Variants in TFPI observed in about 807,000 individuals in gnomAD.
The protein encoded by TFPI is tissue factor pathway inhibitor, also known as anti-convertin.
Under a neutral mutation model 34.6 loss-of-function variants are expected in TFPI, and 15 were observed. The ratio of observed to expected loss-of-function variants is 0.43; its 90% CI spans 0.29 to 0.67. TFPI has a LOEUF of 0.67. Among genes scored for constraint, TFPI ranks in the 30% least tolerant of loss-of-function variants. The pLI is 0.15. For missense variants in TFPI, 301 were observed against 364.0 expected, an observed-to-expected ratio of 0.83 and a Z score of 1.41; for synonymous variants, 105 against 120.1, an observed-to-expected ratio of 0.87 and a Z score of 0.82.
rs554575189 is a variant in TFPI, at chr2:187,471,987, A to T, written c.629-4055T>A. On this transcript the variant is annotated intron_variant, in intron 6 of 7. Coordinates refer to ENST00000233156, the MANE Select transcript of TFPI (RefSeq NM_006287.6). ...CTTTTTTAAAGTTTTTTTCTCTATAATTTTGTAGTAAAGAGAAATATAAAT... is the reference window on the plus strand; with the variant it reads ...CTTTTTTAAAGTTTTTTTCTCTATATTTTTGTAGTAAAGAGAAATATAAAT... Among the ~76,000 whole-genome samples, 3 of 152,090 alleles carry T rather than the reference A, an allele frequency of 2.0e-5. No individual in the cohort carries two copies. The South Asian group carries it at 6.2e-4, about 32-fold the overall frequency.
chr2:187,526,736 A>AT (rs1687699023), intron 1 of TFPI: 3 of 152,002 alleles, frequency 2.0e-5, no homozygotes, highest in Admixed American at 1.3e-4. Context: ...ATATTGTTGA[A>AT]TTTTTTTCTT....
chr2:187,513,597 A>G (rs907090772), intron 1 of TFPI: 9 of 152,652 alleles, frequency 5.9e-5, no homozygotes, highest in African/African-American at 2.2e-4. Context: ...AACTTGAGCC[A>G]TCCTGTGAAG....
rs1237539466 is a variant in TFPI at position 187,466,200 on chromosome 2, C to G, written c.*736G>C. 1 of 152,022 alleles carries G rather than the reference C, an allele frequency of 6.6e-6. No homozygotes were observed. The highest frequency in any genetic ancestry group is 1.5e-5 in the Non-Finnish European group (1 of 67,996). 9.4% of individuals were successfully genotyped at this position (152,022 alleles called of 1,614,324 possible). On this transcript the variant is annotated 3_prime_UTR_variant, in exon 8 of 8. Coordinates refer to ENST00000233156, the MANE Select transcript of TFPI (RefSeq NM_006287.6). ...TTCCCTCTCGATTGCCATAAAACTT[C>G]TTGTTTCCATAAAGGTTCTCCTTAT...
chr2:187,494,213 C>T (rs188891791), intron 3 of TFPI, among the ~76,000 whole-genome samples: 26 of 115,280 alleles, frequency 2.3e-4, no homozygotes, highest in Non-Finnish European at 4.3e-4. Context: ...TCAATCATTT[C>T]CCACCAGTCC....
At chr2:187,496,302 G>A (rs1300932676) in intron 3 of TFPI, among the ~76,000 whole-genome samples, 2 of 152,018 alleles carry the variant, frequency 1.3e-5, no homozygotes, top group South Asian at 2.1e-4. Context: ...AAGAGCCATA[G>A]AGCTTCAATT....
chr2:187,518,840 C>G (rs1687180824), intron 1 of TFPI: 1 of 152,032 alleles, frequency 6.6e-6, no homozygotes, highest in African/African-American at 2.4e-5. Flanking sequence ...GTTCATTCTC[C>G]TTTTTCATTC....
intron 6 of TFPI, among the ~76,000 whole-genome samples, chr2:187,483,666 C>T (rs950202934): frequency 5.3e-5 from 8 of 151,928 alleles, no homozygotes; most frequent in African/African-American, 1.9e-4. Flanking sequence ...AGTGACATAA[C>T]ATTTAGGCAT....
intron 4 of TFPI, among the ~76,000 whole-genome samples, chr2:187,486,887 C>T (rs775549052): frequency 6.6e-6 from 1 of 151,494 alleles, no homozygotes; most frequent in Non-Finnish European, 1.5e-5. Flanking sequence ...TATTAAATCT[C>T]AAATCTCTTT....
At chr2:187,530,282 G>C (rs1687895622) in intron 1 of TFPI, among the ~76,000 whole-genome samples, 1 of 152,150 alleles carries the variant, frequency 6.6e-6, no homozygotes, top group South Asian at 2.1e-4. Flanking sequence ...AACTATGAAA[G>C]TACCCAGAAG....
intron 1 of TFPI, among the ~76,000 whole-genome samples, chr2:187,530,786 G>T (rs1298280450): frequency 6.6e-6 from 1 of 152,056 alleles, no homozygotes; most frequent in Admixed American, 6.6e-5. Context: ...ATGGATATTT[G>T]TGAAATAAAT....
intron 3 of TFPI, among the ~76,000 whole-genome samples, chr2:187,492,228 C>T (rs1445430583): frequency 6.6e-6 from 1 of 152,122 alleles, no homozygotes; most frequent in African/African-American, 2.4e-5. Context: ...ATTTAACTCT[C>T]ATTTGGCTAT....
intron 6 of TFPI, 36 bp from the exon 7 acceptor site, chr2:187,467,968 T>C (rs768839565): frequency 6.7e-7 from 1 of 1,487,700 alleles, no homozygotes; most frequent in African/African-American, 1.4e-5. Flanking sequence ...AAGCCATATG[T>C]GATAGTGGAT....
chr2:187,535,595 G>A (rs1347763606), intron 1 of TFPI, among the ~76,000 whole-genome samples: 3 of 152,134 alleles, frequency 2.0e-5, no homozygotes, highest in Non-Finnish European at 4.4e-5. Context: ...GTGTTTAGAG[G>A]GAAATTTATA....
At chr2:187,536,113 C>G (rs1316719420) in intron 1 of TFPI, among the ~76,000 whole-genome samples, 2 of 152,036 alleles carry the variant, frequency 1.3e-5, no homozygotes, top group African/African-American at 4.8e-5. Flanking sequence ...CCAAAAAAAG[C>G]CCAGGACCAA....
Position 187,466,983 on chromosome 2 carries a change from G to T in TFPI, c.868C>A (p.Gln290Lys). The T allele has an allele frequency of 1.9e-6, 3 of 1,588,772 alleles. No individual in the cohort carries two copies. In the South Asian group the frequency reaches 3.4e-5, roughly 18 times the overall value. The change falls in exon 8 of 8, where the codon CAG becomes AAG. Residue 290 changes from glutamine to lysine, a missense_variant. Gln to Lys is a moderately conservative substitution (Grantham distance 53, BLOSUM62 1). Coordinates refer to ENST00000233156, the MANE Select transcript of TFPI (RefSeq NM_006287.6). ...TCTTCATATGCTATTTTCACTCTCT[G>T]CTTCTTTCTTTTTCTTTTGGTTTTA... ...LIKTKRKRKK[Q>K]RVKIAYEEIF...
At chr2:187,531,469 C>T (rs1025175210) in intron 1 of TFPI, among the ~76,000 whole-genome samples, 18 of 152,070 alleles carry the variant, frequency 1.2e-4, no homozygotes, top group African/African-American at 4.3e-4. Context: ...GTGTCAATAA[C>T]AGAAAAATAT....
rs1691667532 is a variant in TFPI, at chr2:187,465,455, A to C, written c.*1481T>G. 1 of 128,900 alleles carries C rather than the reference A, an allele frequency of 7.8e-6. No homozygotes were observed. Among genetic ancestry groups the C allele is most frequent in the Non-Finnish European group, 1.7e-5 (1 of 57,406 alleles). 8.0% of individuals were successfully genotyped at this position (128,900 alleles called of 1,614,324 possible). A position where few individuals can be genotyped will look rare whatever the true frequency, so the allele number is the denominator to read the frequency against. On this transcript the variant is annotated 3_prime_UTR_variant, in exon 8 of 8. Coordinates refer to ENST00000233156, the MANE Select transcript of TFPI (RefSeq NM_006287.6). The stretch of plus-strand genomic sequence containing the variant: ...ACTCCAGCCTGGGTGACAGAGTGGG[A>C]CCCTGTCTAAAAAAACATAACAAAA...
chr2:187,504,106 T>C (rs1686036002), intron 1 of TFPI, among the ~76,000 whole-genome samples: 2 of 152,140 alleles, frequency 1.3e-5, no homozygotes, highest in African/African-American at 4.8e-5. Flanking sequence ...TCCATTTCCA[T>C]GTGCAATTTT....
At chr2:187,526,193 A>G (rs1039565577) in intron 1 of TFPI, among the ~76,000 whole-genome samples, 2 of 152,168 alleles carry the variant, frequency 1.3e-5, no homozygotes, top group Non-Finnish European at 2.9e-5. Flanking sequence ...TTGAAGGTCT[A>G]AAAATATAAC....
Sources: allele counts gnomAD v4.1 joint callset (sites outside exome capture counted in the v4.1 genomes callset), GRCh38; gene constraint gnomAD v4.1.1; transcripts MANE v1.5; gene names NCBI Gene and HGNC (gene_info 2026-07-23, HGNC 2026-07-21).